The following CACNG4 variants were observed in gnomAD, a reference collection of about 807,000 sequenced individuals.
The protein encoded by CACNG4 is calcium voltage-gated channel auxiliary subunit gamma 4, also known as voltage-dependent calcium channel gamma-4 subunit.
CACNG4 carries 8 observed loss-of-function variants against 22.9 expected under a neutral mutation model. That is an observed-to-expected ratio of 0.35 (90% CI 0.21 to 0.63). The LOEUF (loss-of-function observed/expected upper bound fraction) is 0.63, where lower values mean the gene tolerates loss of function less well. Among genes scored for constraint, CACNG4 ranks in the 30% least tolerant of loss-of-function variants. The pLI is 0.72. For synonymous variants in CACNG4, 188 were observed against 191.9 expected, an observed-to-expected ratio of 0.98 and a Z score of 0.17; for missense variants, 357 against 455.4, an observed-to-expected ratio of 0.78 and a Z score of 1.97.
intron 1 of CACNG4, among the ~76,000 whole-genome samples, chr17:66,972,352 T>G (rs2035209660): frequency 6.6e-6 from 1 of 152,134 alleles, no homozygotes; most frequent in Admixed American, 6.5e-5. Context: ...CTGCTGACAC[T>G]GGGGCCGGAT....
chr17:67,025,080 G>A, intron 3 of CACNG4, 80 bp downstream of exon 3: 2 of 1,370,490 alleles, frequency 1.5e-6, no homozygotes, highest in Non-Finnish European at 1.9e-6. Flanking sequence ...CCCACTGCCA[G>A]GCAGTGTGCA....
chr17:67,014,952 A>AG (rs2035488382), intron 1 of CACNG4, among the ~76,000 whole-genome samples: 1 of 151,364 alleles, frequency 6.6e-6, no homozygotes, highest in African/African-American at 2.4e-5. Flanking sequence ...ACAAAAAAAA[A>AG]AAAAAAAGAA....
At position 67,013,012 on chromosome 17, in the gene CACNG4, C is replaced by T. The variant is rs987379805; in HGVS notation, c.221-5177C>T. 5.3e-5 allele frequency among the ~76,000 whole-genome samples: 8 copies of T among 152,204 alleles called. No individual in the cohort carries two copies. In the East Asian group the frequency reaches 7.7e-4, roughly 15 times the overall value. ...CTTTTCTCCAGGATTCCCTTAATGA[C>T]GATGGCCTCAGGTGGCCCATATGGA... is the stretch of plus-strand genomic sequence containing the variant. On this transcript the variant is annotated intron_variant, in intron 1 of 3. Coordinates refer to ENST00000262138, the MANE Select transcript of CACNG4 (RefSeq NM_014405.4).
At chr17:67,029,712 G>C (rs149984321) in intron 3 of CACNG4, among the ~76,000 whole-genome samples, 49 of 152,336 alleles carry the variant, frequency 3.2e-4, no homozygotes, top group African/African-American at 1.1e-3. Context: ...TGTTTTCTTT[G>C]TGGCGGCGAA....
chr17:66,999,243 A>G (rs972761002), intron 1 of CACNG4, among the ~76,000 whole-genome samples: 10 of 151,506 alleles, frequency 6.6e-5, no homozygotes. Context: ...AACAAGTATT[A>G]GCTGCTATTA....
rs1364923204 is a variant in CACNG4 at position 67,030,440 on chromosome 17, C to T, written c.446-26C>T. On this transcript the variant is annotated intron_variant, in intron 3 of 3. Transcript: ENST00000262138. The surrounding 1 kb of genome is among the most constrained non-coding windows in gnomAD (Gnocchi z 6.4). ...CTGCCTCTCTCCCTCCCTGGCCCCG[C>T]TCCCCGCTCCCCGCTTCCCTTTCAG... is the stretch of plus-strand genomic sequence containing the variant. The T allele has an allele frequency of 1.7e-5, 28 of 1,605,812 alleles. No homozygotes were observed. Among genetic ancestry groups the T allele is most frequent in the Non-Finnish European group, 2.4e-5 (28 of 1,174,354 alleles).
chr17:66,999,521 C>T lies in CACNG4; in HGVS notation c.221-18668C>T, dbSNP rs190815558. On this transcript the variant is annotated intron_variant, in intron 1 of 3. Transcript: ENST00000262138. Reference sequence around the variant, plus strand: ...GGCCTCAGGAAGCTTACAGTCACAGCGGAAGGCAAAGGGGAAGCAGGCACC... The same window carrying T: ...GGCCTCAGGAAGCTTACAGTCACAGTGGAAGGCAAAGGGGAAGCAGGCACC... Among the ~76,000 whole-genome samples the T allele has an allele frequency of 4.1e-4, 63 of 152,212 alleles. No homozygotes were observed. In the South Asian group the frequency reaches 0.011, roughly 26 times the overall value.
chr17:67,031,652 C>G lies in CACNG4; in HGVS notation c.*648C>G. Reference sequence around the variant, plus strand: ...CCAGCTTCCCTCGACCTGGGGAGGCCGTGGCCTGTGGAGGAGGCCCAGGTA... The same window carrying G: ...CCAGCTTCCCTCGACCTGGGGAGGCGGTGGCCTGTGGAGGAGGCCCAGGTA... On this transcript the variant is annotated 3_prime_UTR_variant, in exon 4 of 4. Coordinates refer to ENST00000262138, the MANE Select transcript of CACNG4 (RefSeq NM_014405.4). This position sits in a 1 kb window ranked among gnomAD's most constrained non-coding sequence, Gnocchi z 4.0. The G allele has an allele frequency of 2.2e-6, 1 of 456,776 alleles. No homozygotes were observed. Among genetic ancestry groups the G allele is most frequent in the Admixed American group, 2.3e-5 (1 of 42,586 alleles). The allele number at this position is 456,776 out of a possible 1,614,324, so 28.3% of individuals were successfully genotyped here. A position where few individuals can be genotyped will look rare whatever the true frequency, so the allele number is the denominator to read the frequency against.
intron 1 of CACNG4, among the ~76,000 whole-genome samples, chr17:66,998,264 C>T (rs1331147959): frequency 6.6e-6 from 1 of 152,078 alleles, no homozygotes; most frequent in East Asian, 1.9e-4. Context: ...GCTCTGTCCC[C>T]CAGGCTGAAG....
chr17:66,997,372 G>A (rs1371100608), intron 1 of CACNG4, among the ~76,000 whole-genome samples: 1 of 152,164 alleles, frequency 6.6e-6, no homozygotes, highest in African/African-American at 2.4e-5. Context: ...GTGGGAGCAA[G>A]AAGGCAATGA....
rs2035616735 is a variant in CACNG4, at chr17:67,032,777, C to A, written c.*1773C>A. Reference sequence around the variant, plus strand: ...GTGCCCAGCAGCGGATGCTGAAGCACCAGAGCTCAAGGCCTTCACCTGCTC... The same window carrying A: ...GTGCCCAGCAGCGGATGCTGAAGCAACAGAGCTCAAGGCCTTCACCTGCTC... On this transcript the variant is annotated 3_prime_UTR_variant, in exon 4 of 4. Coordinates refer to ENST00000262138, the MANE Select transcript of CACNG4 (RefSeq NM_014405.4). 1 of 152,854 alleles carries A rather than the reference C, an allele frequency of 6.5e-6. No homozygotes were observed. The highest frequency in any genetic ancestry group is 2.1e-4 in the South Asian group (1 of 4,846). 9.5% of individuals were successfully genotyped at this position (152,854 alleles called of 1,614,324 possible).
At chr17:66,992,438 G>T (rs1449649870) in intron 1 of CACNG4, among the ~76,000 whole-genome samples, 1 of 152,176 alleles carries the variant, frequency 6.6e-6, no homozygotes, top group Non-Finnish European at 1.5e-5. Context: ...CCAGGCGCAG[G>T]GGATCCATCA....
At chr17:66,977,786 T>C (rs576017797) in intron 1 of CACNG4, among the ~76,000 whole-genome samples, 11 of 152,050 alleles carry the variant, frequency 7.2e-5, no homozygotes, top group African/African-American at 2.4e-4. Flanking sequence ...CGTCCTTAGG[T>C]GTTTGTGGGG....
intron 2 of CACNG4, among the ~76,000 whole-genome samples, chr17:67,019,198 C>T (rs1456175188): frequency 6.6e-6 from 1 of 152,108 alleles, no homozygotes; most frequent in Non-Finnish European, 1.5e-5. Context: ...GCTTATGGAT[C>T]GTTTTTTCTA....
chr17:67,002,380 T>C (rs2035413386), intron 1 of CACNG4, among the ~76,000 whole-genome samples: 1 of 152,138 alleles, frequency 6.6e-6, no homozygotes, highest in African/African-American at 2.4e-5. Flanking sequence ...CAAGATGAGA[T>C]TTGCGTGGGG....
chr17:67,011,570 A>T (rs2035468323), intron 1 of CACNG4, among the ~76,000 whole-genome samples: 1 of 152,172 alleles, frequency 6.6e-6, no homozygotes, highest in African/African-American at 2.4e-5. Context: ...TCTTACTCAG[A>T]CTGGCAGCCC....
chr17:66,971,760 TG>T (rs1490198023), intron 1 of CACNG4, among the ~76,000 whole-genome samples: 2 of 152,020 alleles, frequency 1.3e-5, no homozygotes. Flanking sequence ...GGAGGGAACC[TG>T]GTGAGGATGG....
intron 1 of CACNG4, among the ~76,000 whole-genome samples, chr17:67,004,484 A>C (rs1598115520): frequency 6.6e-6 from 1 of 152,144 alleles, no homozygotes; most frequent in Non-Finnish European, 1.5e-5. Context: ...CAGCATCCTC[A>C]TCCCCGATAC....
At chr17:66,986,351 C>T (rs1289917670) in intron 1 of CACNG4, among the ~76,000 whole-genome samples, 1 of 151,988 alleles carries the variant, frequency 6.6e-6, no homozygotes, top group East Asian at 1.9e-4. Flanking sequence ...CAGGACGGAG[C>T]GGAGGGAGCA....
Sources: allele counts gnomAD v4.1 joint callset (sites outside exome capture counted in the v4.1 genomes callset), GRCh38; gene constraint gnomAD v4.1.1; non-coding constraint Gnocchi (gnomAD v3.1); transcripts MANE v1.5; gene names NCBI Gene and HGNC (gene_info 2026-07-23, HGNC 2026-07-21).